The following FHOD3 variants were observed in gnomAD, a reference collection of about 807,000 sequenced individuals.
FHOD3 encodes the protein formin homology 2 domain containing 3.
FHOD3 carries 90 observed loss-of-function variants against 173.0 expected under a neutral mutation model. The observed-to-expected ratio is 0.52, with a 90% confidence interval of 0.44 to 0.62. The LOEUF is 0.62. Among genes scored for constraint, FHOD3 ranks in the 20% least tolerant of loss-of-function variants. The pLI, the probability that FHOD3 is intolerant of heterozygous loss-of-function variation, is 0.00. For synonymous variants in FHOD3, 828 were observed against 823.0 expected, an observed-to-expected ratio of 1.01 and a Z score of -0.10; for missense variants, 1,945 against 2,034.7, an observed-to-expected ratio of 0.96 and a Z score of 0.85.
At chr18:36,386,733 G>A (rs553131392) in intron 3 of FHOD3, among the ~76,000 whole-genome samples, 228 of 152,330 alleles carry the variant, frequency 1.5e-3, no homozygotes, top group Admixed American at 3.1e-3. Flanking sequence ...GTGTGGCCCT[G>A]CCTCCCCTCG....
intron 14 of FHOD3, among the ~76,000 whole-genome samples, chr18:36,679,303 A>G (rs2038078595): frequency 6.6e-6 from 1 of 152,024 alleles, no homozygotes; most frequent in African/African-American, 2.4e-5. Context: ...TTTTTCTTGA[A>G]TAATTTTGAT....
chr18:36,752,122 G>C (rs1377194425), intron 24 of FHOD3, among the ~76,000 whole-genome samples: 2 of 152,114 alleles, frequency 1.3e-5, no homozygotes, highest in African/African-American at 2.4e-5. Context: ...ATCAGATCTC[G>C]TGAGATCTTA....
At chr18:36,530,003 C>T (rs1039748351) in intron 5 of FHOD3, among the ~76,000 whole-genome samples, 2 of 150,336 alleles carry the variant, frequency 1.3e-5, no homozygotes, top group Admixed American at 1.3e-4. Context: ...ACCAGCCTTC[C>T]AAGGTAGGGG....
rs149273196 is a variant in FHOD3, at chr18:36,424,063, C to T, written c.337+51319C>T. On this transcript the variant is annotated intron_variant, in intron 3 of 28. Transcript: ENST00000590592. ...CCAAGCCACACAGCAATACACAAAA[C>T]ACACACCTACACACACCTAAAGCAT... Among the ~76,000 whole-genome samples, 365 of 152,246 alleles carry T rather than the reference C, an allele frequency of 2.4e-3. 1 individual carries two copies. Among genetic ancestry groups the T allele is most frequent in the Admixed American group, 3.9e-3 (60 of 15,304 alleles).
intron 26 of FHOD3, among the ~76,000 whole-genome samples, chr18:36,760,119 T>G (rs907751480): frequency 4.6e-5 from 7 of 152,216 alleles, no homozygotes; most frequent in Non-Finnish European, 1.0e-4. Context: ...CATGCTAGGA[T>G]TCTGTGATTG....
At chr18:36,619,558 C>T (rs7227907) in intron 9 of FHOD3, among the ~76,000 whole-genome samples, 3,808 of 152,284 alleles carry the variant, frequency 0.025, 170 homozygotes, top group African/African-American at 0.088. Context: ...AGCTCTGGCC[C>T]TCATCGTTTC....
At chr18:36,310,319 C>T in intron 1 of FHOD3, among the ~76,000 whole-genome samples, 1 of 152,068 alleles carries the variant, frequency 6.6e-6, no homozygotes, top group East Asian at 1.9e-4. Flanking sequence ...AAACATAATG[C>T]AAAGTGAAGT....
At chr18:36,602,630 T>G (rs1306441978) in intron 7 of FHOD3, 44 bp from the exon 8 acceptor site, 3 of 1,344,456 alleles carry the variant, frequency 2.2e-6, no homozygotes, top group Non-Finnish European at 3.2e-6. Context: ...AGATAAAGAA[T>G]GTTGATGAAT....
intron 5 of FHOD3, among the ~76,000 whole-genome samples, chr18:36,563,215 A>G (rs571122046): frequency 9.8e-5 from 15 of 152,332 alleles, no homozygotes; most frequent in African/African-American, 3.4e-4. Context: ...GTTTTACATA[A>G]CATCCAAAAA....
chr18:36,634,788 T>A (rs1424438078), intron 10 of FHOD3, among the ~76,000 whole-genome samples: 1 of 152,144 alleles, frequency 6.6e-6, no homozygotes, highest in Non-Finnish European at 1.5e-5. Context: ...GTTATTATCA[T>A]CAATCCATGC....
At chr18:36,656,326 G>A (rs2036425961) in intron 13 of FHOD3, among the ~76,000 whole-genome samples, 1 of 152,194 alleles carries the variant, frequency 6.6e-6, no homozygotes, top group African/African-American at 2.4e-5. Context: ...TAACCTGTTT[G>A]ACATGTAGAG....
At chr18:36,468,017 G>T (rs532056110) in intron 3 of FHOD3, among the ~76,000 whole-genome samples, 1 of 152,368 alleles carries the variant, frequency 6.6e-6, no homozygotes, top group South Asian at 2.1e-4. Context: ...CAGCAGGATA[G>T]TTGGGTGGCC....
chr18:36,753,436 C>A (rs561677977), intron 24 of FHOD3, among the ~76,000 whole-genome samples: 16 of 152,366 alleles, frequency 1.1e-4, no homozygotes, highest in African/African-American at 3.8e-4. Context: ...TGCATTATAT[C>A]CATCCAATGC....
At chr18:36,565,284 T>C (rs1352042705) in intron 5 of FHOD3, among the ~76,000 whole-genome samples, 1 of 152,202 alleles carries the variant, frequency 6.6e-6, no homozygotes, top group Non-Finnish European at 1.5e-5. Context: ...TTAAAATTAA[T>C]TGAAATCCCT....
intron 7 of FHOD3, 33 bp downstream of exon 7, chr18:36,594,931 G>C: frequency 7.0e-7 from 1 of 1,421,950 alleles, no homozygotes; most frequent in Non-Finnish European, 9.9e-7. Context: ...TGTCATGAAG[G>C]TGAAGGTGTC....
At chr18:36,548,706 C>T (rs2147271907) in intron 5 of FHOD3, among the ~76,000 whole-genome samples, 1 of 152,326 alleles carries the variant, frequency 6.6e-6, no homozygotes, top group Admixed American at 6.5e-5. Context: ...CTTTTATTGT[C>T]TGGCTTCTTT....
chr18:36,590,506 T>A (rs1481708586), intron 6 of FHOD3, among the ~76,000 whole-genome samples: 2 of 152,204 alleles, frequency 1.3e-5, no homozygotes, highest in Admixed American at 1.3e-4. Flanking sequence ...TCCTTGAAAT[T>A]AGTACCATGC....
intron 27 of FHOD3, among the ~76,000 whole-genome samples, chr18:36,768,959 T>G (rs1302359090): frequency 6.6e-6 from 1 of 152,066 alleles, no homozygotes; most frequent in South Asian, 2.1e-4. Context: ...ACAACACACC[T>G]GGGTTGGAGA....
chr18:36,737,495 T>C (rs1484280792), intron 20 of FHOD3, among the ~76,000 whole-genome samples: 3 of 152,144 alleles, frequency 2.0e-5, no homozygotes, highest in Non-Finnish European at 1.5e-5. Context: ...ACGTGCCAGG[T>C]TGTGGGCAAG....
Sources: gnomAD v4.1 joint callset for allele counts (sites outside exome capture counted in the v4.1 genomes callset) on GRCh38, gnomAD v4.1.1 for gene constraint, MANE v1.5 for transcripts, NCBI Gene and HGNC (gene_info 2026-07-23, HGNC 2026-07-21) for gene names.